The following HDAC8 variants were observed in gnomAD, a reference collection of about 807,000 sequenced individuals.
The protein encoded by HDAC8 is histone deacetylase 8.
Under a neutral mutation model 32.2 loss-of-function variants are expected in HDAC8, and 1 was observed. That is an observed-to-expected ratio of 0.03 (90% confidence interval 0.01 to 0.15). The LOEUF (loss-of-function observed/expected upper bound fraction) is 0.15. Ranked by LOEUF, HDAC8 falls within the 10% of genes least tolerant of loss-of-function variation. HDAC8 has a pLI of 1.00. For missense variants in HDAC8, 117 were observed against 300.0 expected (o/e 0.39, Z 4.51); for synonymous variants, 108 against 113.9 (o/e 0.95, Z 0.33).
chrX:72,329,555 T>C lies in HDAC8; in HGVS notation c.*499A>G. ...TTTTATTAAAAAAACCAAAGATATA[T>C]AACACTAAAACAACACCAGCGGACT... is the stretch of plus-strand genomic sequence containing the variant. On this transcript the variant is annotated 3_prime_UTR_variant, in exon 11 of 11. Coordinates refer to ENST00000373573, the MANE Select transcript of HDAC8 (RefSeq NM_018486.3). 1.3e-6 allele frequency: 1 copy of C among 750,568 alleles called. No individual in the cohort carries two copies. Among genetic ancestry groups the C allele is most frequent in the Non-Finnish European group, 1.9e-6 (1 of 517,992 alleles). 61.9% of individuals were successfully genotyped at this position (750,568 alleles called of 1,213,427 possible).
At chrX:72,456,613 A>G (rs782721843) in intron 9 of HDAC8, among the ~76,000 whole-genome samples, 6 of 111,202 alleles carry the variant, frequency 5.4e-5, no homozygotes, top group Non-Finnish European at 9.4e-5. Context: ...AGTTTGACCA[A>G]CATGGTGAAA....
At position 72,518,521 on chromosome X, in the gene HDAC8, C is replaced by T. The variant is rs1057445212; in HGVS notation, c.438-23253G>A. Among the ~76,000 whole-genome samples the T allele has an allele frequency of 3.6e-5, 4 of 111,367 alleles. No homozygotes were observed. The East Asian group carries it at 1.1e-3, about 31-fold the overall frequency. On this transcript the variant is annotated intron_variant, in intron 4 of 10. Coordinates refer to ENST00000373573, the MANE Select transcript of HDAC8 (RefSeq NM_018486.3). ...ATCTTCTTCCCTGCACACAGCTTTCCCTATTATTAACATTTTGTATTAGCG... is the reference window on the plus strand; with the variant it reads ...ATCTTCTTCCCTGCACACAGCTTTCTCTATTATTAACATTTTGTATTAGCG...
At chrX:72,458,025 T>A (rs782044950) in intron 9 of HDAC8, among the ~76,000 whole-genome samples, 21 of 111,631 alleles carry the variant, frequency 1.9e-4, no homozygotes, top group Non-Finnish European at 4.0e-4. Context: ...CCAGCCCTAC[T>A]CTATCCTAGA....
chrX:72,560,565 T>TAAAAAAAAAAAAA (rs147846647), intron 4 of HDAC8, among the ~76,000 whole-genome samples: 16 of 35,215 alleles, frequency 4.5e-4, no homozygotes, highest in East Asian at 1.9e-3. Flanking sequence ...CAATAAATAC[T>TAAAAAAAAAAAAA]AAAAAAAAAA....
intron 9 of HDAC8, among the ~76,000 whole-genome samples, chrX:72,444,435 C>A (rs2047302048): frequency 9.0e-6 from 1 of 111,543 alleles, no homozygotes; most frequent in African/African-American, 3.3e-5. Context: ...AAGACAAAAA[C>A]CACATGATTA....
chrX:72,543,958 G>C (rs2050785618), intron 4 of HDAC8, among the ~76,000 whole-genome samples: 1 of 112,787 alleles, frequency 8.9e-6, no homozygotes, highest in Non-Finnish European at 1.9e-5. Context: ...GATGAACCAG[G>C]ATCTTTACGT....
chrX:72,510,776 G>T (rs150125263), intron 4 of HDAC8, among the ~76,000 whole-genome samples: 1 of 111,645 alleles, frequency 9.0e-6, no homozygotes, highest in African/African-American at 3.2e-5. Context: ...CATTTTTCTG[G>T]CTGTAAGCTT....
intron 9 of HDAC8, among the ~76,000 whole-genome samples, chrX:72,452,388 G>A (rs995731641): frequency 5.4e-5 from 6 of 112,003 alleles, no homozygotes; most frequent in Non-Finnish European, 7.5e-5. Context: ...CCTGGGAGGC[G>A]GAGGTTGCAG....
intron 9 of HDAC8, among the ~76,000 whole-genome samples, chrX:72,378,020 GTA>G (rs1356837670): frequency 9.2e-6 from 1 of 109,012 alleles, no homozygotes; most frequent in Admixed American, 9.9e-5. Flanking sequence ...GTATGTGTGT[GTA>G]TATATATGTA....
intron 4 of HDAC8, among the ~76,000 whole-genome samples, chrX:72,550,483 G>A (rs2051026509): frequency 9.1e-6 from 1 of 110,445 alleles, no homozygotes; most frequent in Non-Finnish European, 1.9e-5. Context: ...ACTCTACAGT[G>A]GCTTGACATT....
intron 9 of HDAC8, among the ~76,000 whole-genome samples, chrX:72,390,171 T>C (rs2045575838): frequency 9.0e-6 from 1 of 111,666 alleles, no homozygotes; most frequent in African/African-American, 3.3e-5. Flanking sequence ...TGTCTTTGTG[T>C]TATGAACATT....
chrX:72,572,483 A>G, intron 1 of HDAC8, 168 bp downstream of exon 1: 1 of 439,929 alleles, frequency 2.3e-6, no homozygotes, highest in Non-Finnish European at 3.9e-6. Flanking sequence ...CTCAGAAACG[A>G]TATGAGAACA....
At chrX:72,494,493 T>C (rs985408986) in intron 5 of HDAC8, among the ~76,000 whole-genome samples, 7 of 111,010 alleles carry the variant, frequency 6.3e-5, no homozygotes, top group Non-Finnish European at 1.1e-4. Context: ...CCAGAGAGGA[T>C]TGCTTAAAGA....
At position 72,394,375 on chromosome X, in the gene HDAC8, C is replaced by T. The variant is rs145859897; in HGVS notation, c.1006-42537G>A. On this transcript the variant is annotated intron_variant, in intron 9 of 10. Transcript: ENST00000373573. ...TGTGCATGATTGATTATATGCAGGG[C>T]CTGACCTCTCACCACAAAATTCTGT... is the stretch of plus-strand genomic sequence containing the variant. 1.0e-2 allele frequency among the ~76,000 whole-genome samples: 1,117 copies of T among 111,726 alleles called. 17 individuals are homozygous for T. The highest frequency in any genetic ancestry group is 0.034 in the African/African-American group (1,052 of 30,735).
intron 9 of HDAC8, among the ~76,000 whole-genome samples, chrX:72,429,619 G>A (rs919721081): frequency 6.2e-5 from 7 of 112,183 alleles, no homozygotes; most frequent in African/African-American, 2.3e-4. Context: ...TGGCTGCAAA[G>A]GTCAGGACAG....
intron 9 of HDAC8, among the ~76,000 whole-genome samples, chrX:72,445,953 A>G (rs1217942560): frequency 8.9e-6 from 1 of 112,571 alleles, no homozygotes; most frequent in African/African-American, 3.2e-5. Flanking sequence ...ATCACTGGCC[A>G]TCAGAGAAAT....
intron 10 of HDAC8, 41 bp from the exon 11 acceptor site, chrX:72,330,117 G>A (rs2043474691): frequency 1.8e-6 from 2 of 1,122,805 alleles, no homozygotes; most frequent in South Asian, 1.8e-5. Flanking sequence ...GTCAGGTAAT[G>A]TATGTGAATT....
chrX:72,440,034 C>G (rs1555981024), intron 9 of HDAC8, among the ~76,000 whole-genome samples: 1 of 112,084 alleles, frequency 8.9e-6, no homozygotes, highest in Non-Finnish European at 1.9e-5. Flanking sequence ...CTTCTCAGCA[C>G]CACATTGCAC....
At chrX:72,567,122 A>G (rs2051824247) in intron 4 of HDAC8, among the ~76,000 whole-genome samples, 1 of 111,888 alleles carries the variant, frequency 8.9e-6, no homozygotes, top group Non-Finnish European at 1.9e-5. Flanking sequence ...TCTAGCCTGA[A>G]CGACAGGGCG....
Sources: gnomAD v4.1 joint callset for allele counts (sites outside exome capture counted in the v4.1 genomes callset) on GRCh38, gnomAD v4.1.1 for gene constraint, MANE v1.5 for transcripts, NCBI Gene and HGNC (gene_info 2026-07-23, HGNC 2026-07-21) for gene names.